The following UVRAG variants were observed in gnomAD, a reference collection of about 807,000 sequenced individuals.
UVRAG encodes the protein UV radiation resistance associated.
A neutral mutation model predicts 78.0 loss-of-function variants in UVRAG; 19 were observed. The observed-to-expected ratio is 0.24, with a 90% confidence interval of 0.17 to 0.36. The LOEUF (loss-of-function observed/expected upper bound fraction) is 0.36, where lower values mean the gene tolerates loss of function less well. Among genes scored for constraint, UVRAG ranks in the 10% least tolerant of loss-of-function variants. UVRAG has a pLI of 1.00. For synonymous variants in UVRAG, 323 were observed against 324.6 expected (o/e 1.00, Z 0.05); for missense variants, 740 against 853.8 (o/e 0.87, Z 1.66).
At chr11:75,870,983 T>G (rs745917068) in intron 3 of UVRAG, among the ~76,000 whole-genome samples, 2 of 151,258 alleles carry the variant, frequency 1.3e-5, no homozygotes, top group Non-Finnish European at 2.9e-5. Context: ...GATTCTCCTG[T>G]CTCAGCCTCC....
At chr11:75,875,781 G>A (rs1026737762) in intron 3 of UVRAG, among the ~76,000 whole-genome samples, 3 of 152,076 alleles carry the variant, frequency 2.0e-5, no homozygotes, top group African/African-American at 7.2e-5. Context: ...CTGTTTAGGG[G>A]TATAGCCCTT....
intron 2 of UVRAG, among the ~76,000 whole-genome samples, chr11:75,853,360 G>A (rs770390138): frequency 4.1e-5 from 3 of 73,136 alleles, no homozygotes; most frequent in Admixed American, 2.8e-4. Flanking sequence ...AATAATTCCC[G>A]CCCACCCCAC....
intron 6 of UVRAG, among the ~76,000 whole-genome samples, chr11:75,912,863 A>G (rs1947768967): frequency 6.6e-6 from 1 of 152,236 alleles, no homozygotes; most frequent in Admixed American, 6.5e-5. Flanking sequence ...TGAAACTTGA[A>G]TCTTATTACA....
chr11:76,141,808 T>C lies in UVRAG; in HGVS notation c.*395T>C, dbSNP rs1275940001. On this transcript the variant is annotated 3_prime_UTR_variant, in exon 15 of 15. Transcript: ENST00000356136. Reference sequence around the variant, plus strand: ...CATAAGCATTTGCCCTCACCATGGTTTATAAAACTTTGGGAAAACGGAATA... The same window carrying C: ...CATAAGCATTTGCCCTCACCATGGTCTATAAAACTTTGGGAAAACGGAATA... 5.4e-6 allele frequency: 1 copy of C among 184,700 alleles called. No individual in the cohort carries two copies. Among genetic ancestry groups the C allele is most frequent in the Non-Finnish European group, 1.1e-5 (1 of 87,836 alleles). 11.4% of individuals were successfully genotyped at this position (184,700 alleles called of 1,614,324 possible).
At chr11:76,051,383 A>G (rs1950863849) in intron 12 of UVRAG, among the ~76,000 whole-genome samples, 1 of 152,134 alleles carries the variant, frequency 6.6e-6, no homozygotes, top group Non-Finnish European at 1.5e-5. Context: ...TTATTTAACA[A>G]AATTGACTAT....
intron 12 of UVRAG, among the ~76,000 whole-genome samples, chr11:76,046,341 C>T (rs1950755592): frequency 6.6e-6 from 1 of 152,082 alleles, no homozygotes; most frequent in African/African-American, 2.4e-5. Context: ...AGCCCCCGCA[C>T]TGGCCAATGG....
chr11:75,871,565 C>G lies in UVRAG; in HGVS notation c.271-8314C>G, dbSNP rs535496371. 4.3e-4 allele frequency among the ~76,000 whole-genome samples: 65 copies of G among 152,042 alleles called. No individual in the cohort carries two copies. In the Middle Eastern group the frequency reaches 0.017, roughly 40 times the overall value. On this transcript the variant is annotated intron_variant, in intron 3 of 14. Transcript: ENST00000356136. ...TCCCAAAGTGCTCGGATTACAGGCA[C>G]GAGCCACCGCGCCCGGACTGCATCT...
At chr11:76,083,350 A>G (rs529860092) in intron 13 of UVRAG, among the ~76,000 whole-genome samples, 1 of 152,340 alleles carries the variant, frequency 6.6e-6, no homozygotes, top group South Asian at 2.1e-4. Flanking sequence ...TAAATTACAA[A>G]CAAGATTTGT....
intron 4 of UVRAG, among the ~76,000 whole-genome samples, chr11:75,880,840 C>T (rs1330842482): frequency 1.3e-5 from 2 of 151,890 alleles, no homozygotes; most frequent in Non-Finnish European, 2.9e-5. Flanking sequence ...CAGGTGTGAG[C>T]CACTGTGCCT....
At chr11:75,964,797 G>T (rs1012264615) in intron 7 of UVRAG, among the ~76,000 whole-genome samples, 1 of 152,186 alleles carries the variant, frequency 6.6e-6, no homozygotes, top group Non-Finnish European at 1.5e-5. Flanking sequence ...TATCACGTAC[G>T]TAAGGGTAAT....
At chr11:76,091,223 A>G (rs1334444342) in intron 13 of UVRAG, among the ~76,000 whole-genome samples, 5 of 152,312 alleles carry the variant, frequency 3.3e-5, no homozygotes, top group Middle Eastern at 3.4e-3. Flanking sequence ...TGAAAAATCT[A>G]GAGATATTTG....
chr11:76,131,567 C>T (rs1400323349), intron 14 of UVRAG, among the ~76,000 whole-genome samples: 2 of 152,200 alleles, frequency 1.3e-5, no homozygotes, highest in African/African-American at 2.4e-5. Flanking sequence ...TTTTTATACT[C>T]TGTTTTTATT....
chr11:76,140,135 CT>C, intron 14 of UVRAG, among the ~76,000 whole-genome samples: 6 of 94,508 alleles, frequency 6.3e-5, no homozygotes, highest in African/African-American at 2.5e-4. Flanking sequence ...CTCTCTCTCT[CT>C]CTCTCTCTCT....
chr11:75,992,793 A>G (rs1470138179), intron 8 of UVRAG, among the ~76,000 whole-genome samples: 2 of 152,230 alleles, frequency 1.3e-5, no homozygotes, highest in Non-Finnish European at 2.9e-5. Flanking sequence ...TATTTAATGA[A>G]TCTTGAGCCA....
intron 5 of UVRAG, chr11:75,911,193 T>C (rs1339209058): frequency 6.4e-6 from 1 of 156,792 alleles, no homozygotes; most frequent in Admixed American, 6.5e-5. Context: ...GATACCTCCT[T>C]CTCTCAAACC....
chr11:76,075,783 T>C (rs1951394161), intron 13 of UVRAG, among the ~76,000 whole-genome samples: 1 of 152,192 alleles, frequency 6.6e-6, no homozygotes, highest in Non-Finnish European at 1.5e-5. Flanking sequence ...GCTACCAGCC[T>C]ACTTTCTGTT....
intron 2 of UVRAG, among the ~76,000 whole-genome samples, chr11:75,854,373 T>G (rs1324129441): frequency 6.6e-6 from 1 of 152,176 alleles, no homozygotes; most frequent in Non-Finnish European, 1.5e-5. Context: ...TTCATTACAT[T>G]CTATTGGCCA....
chr11:75,910,115 A>G (rs568021494), intron 5 of UVRAG, among the ~76,000 whole-genome samples: 1 of 152,308 alleles, frequency 6.6e-6, no homozygotes, highest in South Asian at 2.1e-4. Flanking sequence ...CTGTTTGGGC[A>G]CTTTTGTGTT....
chr11:75,831,170 G>A (rs548407729), intron 1 of UVRAG, among the ~76,000 whole-genome samples: 4 of 152,250 alleles, frequency 2.6e-5, no homozygotes, highest in Admixed American at 6.5e-5. Context: ...CAGGATAAGC[G>A]TGTCCTTGCC....
Sources: gnomAD v4.1 joint callset for allele counts (sites outside exome capture counted in the v4.1 genomes callset) on GRCh38, gnomAD v4.1.1 for gene constraint, MANE v1.5 for transcripts, NCBI Gene and HGNC (gene_info 2026-07-23, HGNC 2026-07-21) for gene names.